SNX7: variants seen among roughly 807,000 people sequenced by gnomAD.
The protein encoded by SNX7 is sorting nexin-7.
A neutral mutation model predicts 48.4 loss-of-function variants in SNX7; 35 were observed. The observed-to-expected ratio is 0.72, with a 90% CI of 0.55 to 0.96. The LOEUF is 0.96. SNX7 is among the 40% of genes least tolerant of loss of function. The pLI is 0.00. For missense variants in SNX7, 553 were observed against 548.9 expected, an observed-to-expected ratio of 1.01 and a Z score of -0.07; for synonymous variants, 190 against 190.2, an observed-to-expected ratio of 1.00 and a Z score of 0.01.
At chr1:98,741,873 T>C (rs1006063461) in intron 8 of SNX7, among the ~76,000 whole-genome samples, 3 of 152,142 alleles carry the variant, frequency 2.0e-5, no homozygotes, top group Admixed American at 2.0e-4. Flanking sequence ...AAGAGCACAT[T>C]CTTCTCAAAG....
chr1:98,728,711 A>G (rs1249691099), intron 7 of SNX7, among the ~76,000 whole-genome samples: 1 of 152,154 alleles, frequency 6.6e-6, no homozygotes, highest in Non-Finnish European at 1.5e-5. Context: ...GTATTACATA[A>G]TGGTAAAGGG....
intron 1 of SNX7, chr1:98,662,493 G>C: frequency 2.9e-6 from 1 of 347,454 alleles, no homozygotes; most frequent in Non-Finnish European, 5.5e-6. Flanking sequence ...TTTTTCAGAT[G>C]GTCAGCTACT....
chr1:98,756,204 T>G (rs939501466), intron 8 of SNX7, among the ~76,000 whole-genome samples: 1 of 151,956 alleles, frequency 6.6e-6, no homozygotes, highest in African/African-American at 2.4e-5. Flanking sequence ...AAATGTGTTT[T>G]TTCATTCCCT....
chr1:98,696,196 T>C (rs1297209838), intron 5 of SNX7, among the ~76,000 whole-genome samples: 2 of 151,904 alleles, frequency 1.3e-5, no homozygotes, highest in Non-Finnish European at 2.9e-5. Flanking sequence ...TAAATCAGAA[T>C]TGTTGGTGAA....
At chr1:98,758,388 C>T (rs750143947) in intron 8 of SNX7, among the ~76,000 whole-genome samples, 19 of 152,020 alleles carry the variant, frequency 1.2e-4, no homozygotes, top group Non-Finnish European at 1.9e-4. Context: ...CTCTACTCCC[C>T]TCCCCTCCTC....
At chr1:98,676,344 A>AT (rs886687906) in intron 1 of SNX7, among the ~76,000 whole-genome samples, 11 of 151,814 alleles carry the variant, frequency 7.2e-5, no homozygotes, top group African/African-American at 2.2e-4. Context: ...ATTTCACTGA[A>AT]TTTTTTTTGC....
intron 5 of SNX7, 39 bp from the exon 6 acceptor site, chr1:98,698,667 G>C: frequency 6.4e-7 from 1 of 1,556,856 alleles, no homozygotes; most frequent in Non-Finnish European, 8.7e-7. Flanking sequence ...GAAAACTTTT[G>C]TTTATTGAAG....
In SNX7 at chr1:98,677,890, AAAAAG is replaced by A. The variant is rs1202618994; in HGVS notation, c.181-6991_181-6987del. Among the ~76,000 whole-genome samples, 12 of 152,074 alleles carry A rather than the reference AAAAAG, an allele frequency of 7.9e-5. No homozygotes were observed. In the East Asian group the frequency reaches 2.1e-3, roughly 27 times the overall value. ...GAGACGCTGTCTCAAAAAAAAAAAA[AAAAAG>A]AAATAGAGGTATATCATTCTAATTT... On this transcript the variant is annotated intron_variant, in intron 1 of 8. Transcript: ENST00000306121.
chr1:98,691,900 C>A, intron 4 of SNX7, among the ~76,000 whole-genome samples: 1 of 126,428 alleles, frequency 7.9e-6, no homozygotes, highest in East Asian at 2.6e-4. Context: ...AATCTTGTAT[C>A]TTCTCCATAT....
intron 7 of SNX7, among the ~76,000 whole-genome samples, chr1:98,715,150 T>A (rs1412027765): frequency 6.6e-6 from 1 of 152,210 alleles, no homozygotes; most frequent in African/African-American, 2.4e-5. Flanking sequence ...TAATGTTTTT[T>A]TGACAGTATT....
At chr1:98,709,489 A>G (rs1652186887) in intron 7 of SNX7, among the ~76,000 whole-genome samples, 2 of 152,182 alleles carry the variant, frequency 1.3e-5, no homozygotes. Flanking sequence ...GAATTATTTT[A>G]ACTCAACTCA....
intron 7 of SNX7, among the ~76,000 whole-genome samples, chr1:98,732,085 C>CA (rs1191420416): frequency 6.6e-6 from 1 of 152,036 alleles, no homozygotes; most frequent in Non-Finnish European, 1.5e-5. Flanking sequence ...ATCCTAAAGT[C>CA]AAAAAATCCT....
At chr1:98,727,418 T>C (rs1416959621) in intron 7 of SNX7, among the ~76,000 whole-genome samples, 3 of 151,686 alleles carry the variant, frequency 2.0e-5, no homozygotes, top group Non-Finnish European at 4.4e-5. Flanking sequence ...TGAGAAAGAA[T>C]CAACCAAAAA....
At chr1:98,671,888 A>G (rs1469030525) in intron 1 of SNX7, among the ~76,000 whole-genome samples, 1 of 152,162 alleles carries the variant, frequency 6.6e-6, no homozygotes, top group Non-Finnish European at 1.5e-5. Context: ...TTATTTTTAG[A>G]TAAGTTTTTA....
chr1:98,679,970 G>A (rs1650386514), intron 1 of SNX7, among the ~76,000 whole-genome samples: 1 of 152,200 alleles, frequency 6.6e-6, no homozygotes, highest in Non-Finnish European at 1.5e-5. Flanking sequence ...TGGTGCCCCA[G>A]TAGGGACTCT....
intron 7 of SNX7, among the ~76,000 whole-genome samples, chr1:98,709,886 C>G (rs1652209821): frequency 6.6e-6 from 1 of 152,036 alleles, no homozygotes; most frequent in African/African-American, 2.4e-5. Flanking sequence ...TACTTTCTGT[C>G]TTTAAACTTG....
intron 1 of SNX7, among the ~76,000 whole-genome samples, chr1:98,676,355 A>C (rs1650166860): frequency 6.6e-6 from 1 of 152,086 alleles, no homozygotes; most frequent in African/African-American, 2.4e-5. Flanking sequence ...TTTTTTTTGC[A>C]AGACATTTAT....
chr1:98,756,052 CT>C (rs1654832182), intron 8 of SNX7, among the ~76,000 whole-genome samples: 1 of 151,728 alleles, frequency 6.6e-6, no homozygotes, highest in Admixed American at 6.6e-5. Flanking sequence ...TTTTACATCT[CT>C]TTGTGGTGTA....
Position 98,684,826 on chromosome 1 carries a change from A to G in SNX7, c.181-59A>G, listed in dbSNP as rs557934919. 35 of 1,208,280 alleles carry G rather than the reference A, an allele frequency of 2.9e-5. No individual in the cohort carries two copies. The African/African-American group carries it at 5.2e-4, about 18-fold the overall frequency. The allele number at this position is 1,208,280 out of a possible 1,614,324, so 74.8% of individuals were successfully genotyped here. A position where few individuals can be genotyped will look rare whatever the true frequency, so the allele number is the denominator to read the frequency against. ...TATTTCATTAATATTGATAGCATCT[A>G]GAAATAGAAGAGTTTAATTTTTCTA... On this transcript the variant is annotated intron_variant, in intron 1 of 8. Coordinates refer to ENST00000306121, the MANE Select transcript of SNX7 (RefSeq NM_015976.5).
Sources: allele counts gnomAD v4.1 joint callset (sites outside exome capture counted in the v4.1 genomes callset), GRCh38; gene constraint gnomAD v4.1.1; transcripts MANE v1.5; gene names NCBI Gene and HGNC (gene_info 2026-07-23, HGNC 2026-07-21).